The following RRM1 variants were observed in gnomAD, a reference collection of about 807,000 sequenced individuals.
The protein encoded by RRM1 is ribonucleotide reductase catalytic subunit M1.
Under a neutral mutation model 101.5 loss-of-function variants are expected in RRM1, and 19 were observed. That is an observed-to-expected ratio of 0.19 (90% CI 0.13 to 0.27). The LOEUF (loss-of-function observed/expected upper bound fraction) is 0.27, where lower values mean the gene tolerates loss of function less well. RRM1 is among the 10% of genes least tolerant of loss of function. RRM1 has a pLI of 1.00. For synonymous variants in RRM1, 298 were observed against 323.4 expected, an observed-to-expected ratio of 0.92 and a Z score of 0.84; for missense variants, 500 against 962.9, an observed-to-expected ratio of 0.52 and a Z score of 6.36.
At chr11:4,126,911 C>A in intron 13 of RRM1, 78 bp downstream of exon 13, 2 of 1,432,478 alleles carry the variant, frequency 1.4e-6, no homozygotes, top group Non-Finnish European at 1.9e-6. Context: ...TTCAAGTCAT[C>A]ATTTAAATGG....
At chr11:4,137,571 C>G (rs1460235793) in intron 18 of RRM1, among the ~76,000 whole-genome samples, 1 of 18,258 alleles carries the variant, frequency 5.5e-5, no homozygotes, top group Non-Finnish European at 1.7e-4. Context: ...TAGGGGCGGC[C>G]GGGCAGAGGG....
intron 2 of RRM1, 28 bp from the exon 3 acceptor site, chr11:4,106,018 C>T: frequency 1.3e-6 from 2 of 1,593,030 alleles, no homozygotes; most frequent in Non-Finnish European, 1.7e-6. Flanking sequence ...TGGGAAAGCT[C>T]AAGTAATTCT....
intron 8 of RRM1, chr11:4,119,627 A>G (rs1309781863): frequency 4.2e-6 from 2 of 480,082 alleles, no homozygotes; most frequent in Non-Finnish European, 7.4e-6. Flanking sequence ...TAAATTAGAA[A>G]TGCCATGAGG....
At chr11:4,130,086 A>ATATATATTTTTTTTTT (rs1202870487) in intron 15 of RRM1, among the ~76,000 whole-genome samples, 5 of 99,484 alleles carry the variant, frequency 5.0e-5, no homozygotes, top group African/African-American at 2.7e-4. Flanking sequence ...ATATATATAT[A>ATATATATTTTTTTTTT]TTTTTTTTTT....
At chr11:4,106,789 T>C (rs1171314445) in intron 3 of RRM1, among the ~76,000 whole-genome samples, 3 of 152,094 alleles carry the variant, frequency 2.0e-5, no homozygotes, top group African/African-American at 7.2e-5. Context: ...ATATGTAAAT[T>C]AGTGGGAAAG....
chr11:4,112,689 T>G (rs2133298039), intron 7 of RRM1, among the ~76,000 whole-genome samples: 1 of 152,300 alleles, frequency 6.6e-6, no homozygotes, highest in South Asian at 2.1e-4. Context: ...TAAGGTTGTT[T>G]TAAAAAGAAG....
At chr11:4,113,192 T>G (rs1425815271) in intron 7 of RRM1, among the ~76,000 whole-genome samples, 1 of 152,164 alleles carries the variant, frequency 6.6e-6, no homozygotes, top group Non-Finnish European at 1.5e-5. Flanking sequence ...AAAAATACAT[T>G]AATGTAATTC....
chr11:4,109,342 C>G (rs999888455), intron 4 of RRM1, among the ~76,000 whole-genome samples: 9 of 151,884 alleles, frequency 5.9e-5, no homozygotes, highest in African/African-American at 1.9e-4. Flanking sequence ...TCAAAACATA[C>G]TATAAACATA....
At chr11:4,101,506 G>C (rs530467021) in intron 1 of RRM1, among the ~76,000 whole-genome samples, 1 of 139,380 alleles carries the variant, frequency 7.2e-6, no homozygotes, top group African/African-American at 2.7e-5. Flanking sequence ...TAGAGACGGG[G>C]TTTCACCATA....
At chr11:4,128,552 A>G (rs1324063743) in intron 14 of RRM1, among the ~76,000 whole-genome samples, 1 of 152,198 alleles carries the variant, frequency 6.6e-6, no homozygotes, top group East Asian at 1.9e-4. Context: ...GGAGATTATA[A>G]ATAGCCTGTG....
intron 3 of RRM1, among the ~76,000 whole-genome samples, chr11:4,106,672 C>T (rs1002485297): frequency 2.2e-4 from 33 of 151,964 alleles, no homozygotes; most frequent in Non-Finnish European, 1.5e-4. Context: ...TGCTTGAACC[C>T]GGGAGGCGGA....
At chr11:4,122,081 A>G in intron 10 of RRM1, 60 bp from the exon 11 acceptor site, 1 of 1,276,810 alleles carries the variant, frequency 7.8e-7, no homozygotes, top group South Asian at 1.3e-5. Flanking sequence ...CAGTGTTTCT[A>G]ATGGATTATG....
At position 4,138,608 on chromosome 11, in the gene RRM1, A is replaced by C. The variant is rs551505351; in HGVS notation, c.*225A>C. 3.5e-4 allele frequency: 123 copies of C among 348,810 alleles called. No individual in the cohort carries two copies. Among genetic ancestry groups the C allele is most frequent in the African/African-American group, 2.2e-3 (103 of 47,684 alleles). The allele number at this position is 348,810 out of a possible 1,614,324, so 21.6% of individuals were successfully genotyped here. ...TGCTTTTGAAAAAAAGAAAAAAAAA[A>C]CGGATATATTGAGAATCAAAGTAGA... On this transcript the variant is annotated 3_prime_UTR_variant, in exon 19 of 19. Transcript: ENST00000300738.
upstream of RRM1, chr11:4,094,716 G>A (rs1213344744): frequency 3.8e-6 from 2 of 529,816 alleles, no homozygotes; most frequent in African/African-American, 1.9e-5. Context: ...CAACATGGCG[G>A]CTACACGTCG....
chr11:4,102,620 C>T (rs546049329), intron 2 of RRM1, among the ~76,000 whole-genome samples: 2 of 150,696 alleles, frequency 1.3e-5, no homozygotes, highest in African/African-American at 4.9e-5. Context: ...CCACTGCACT[C>T]CAGCCTGGGC....
intron 17 of RRM1, 61 bp from the exon 18 acceptor site, chr11:4,135,021 A>G (rs2133325660): frequency 1.6e-6 from 2 of 1,276,374 alleles, no homozygotes; most frequent in African/African-American, 1.5e-5. Context: ...TCACTATTCT[A>G]TTAATCATAC....
rs373689374 is a variant in RRM1 at position 4,118,304 on chromosome 11, A to C, written c.651-16A>C. The C allele has an allele frequency of 4.4e-6, 7 of 1,604,426 alleles. No homozygotes were observed. In the African/African-American group the frequency reaches 9.5e-5, roughly 22 times the overall value. On this transcript the variant is annotated splice_polypyrimidine_tract_variant and intron_variant, in intron 7 of 18. Coordinates refer to ENST00000300738, the MANE Select transcript of RRM1 (RefSeq NM_001033.5). ...TCATTTCCTTGCTCTAAGTTGAGAC[A>C]TTTTTTCCCCCGTAGCTGTTTTCTT... is the stretch of plus-strand genomic sequence containing the variant.
chr11:4,117,075 G>A (rs1045609909), intron 7 of RRM1, among the ~76,000 whole-genome samples: 8 of 152,094 alleles, frequency 5.3e-5, no homozygotes, highest in Admixed American at 3.9e-4. Context: ...GCTAATAAAC[G>A]TCTGAGATGT....
intron 7 of RRM1, among the ~76,000 whole-genome samples, chr11:4,115,590 CTT>C (rs2133301165): frequency 6.6e-6 from 1 of 151,370 alleles, no homozygotes; most frequent in Admixed American, 6.6e-5. Context: ...GAGTTTCGCT[CTT>C]GTCACTGAGG....
Sources: gnomAD v4.1 joint callset for allele counts (sites outside exome capture counted in the v4.1 genomes callset) on GRCh38, gnomAD v4.1.1 for gene constraint, MANE v1.5 for transcripts, NCBI Gene and HGNC (gene_info 2026-07-23, HGNC 2026-07-21) for gene names.